GTF3C5: variants seen among roughly 807,000 people sequenced by gnomAD.
GTF3C5 encodes the protein general transcription factor IIIC subunit 5.
In GTF3C5, 47 loss-of-function variants were observed where a neutral mutation model predicts 61.0. The observed-to-expected ratio is 0.77, with a 90% CI of 0.61 to 0.98. The LOEUF is 0.98. GTF3C5 is among the 50% of genes least tolerant of loss of function. The pLI is 0.00. For missense variants in GTF3C5, 659 were observed against 703.3 expected (o/e 0.94, Z 0.71); for synonymous variants, 295 against 275.4 (o/e 1.07, Z -0.71).
At position 133,054,733 on chromosome 9, in the gene GTF3C5, A is replaced by G. The variant is rs1302997790; in HGVS notation, c.1091A>G (p.His364Arg). The change falls in exon 8 of 11, where the codon CAT becomes CGT. Residue 364 changes from histidine to arginine, a missense_variant. Transcript: ENST00000372097. ...KKTSSQLVTM[H>R]DLKQGLGPSG... ...GCAGCCAGCCAGCTTGTCACCATGC[A>G]TGACCTGAAGCAGGGCCTGGGCCCG... The G allele has an allele frequency of 2.5e-6, 4 of 1,578,000 alleles. No individual in the cohort carries two copies. Among genetic ancestry groups the G allele is most frequent in the Non-Finnish European group, 8.6e-7 (1 of 1,161,950 alleles).
In GTF3C5 at chr9:133,050,881, A is replaced by G. The variant is rs1197080224; in HGVS notation, c.671A>G (p.Glu224Gly). ...HNAIFVNFED[E>G]EVPKQPLEAA... is the part of the protein sequence containing the mutation. ...GCCATCTTTGTCAACTTTGAGGATG[A>G]GGAGGTGCCCAAGCAGCCACTGGAG... Residue 224 changes from glutamate to glycine, a missense_variant, in exon 4 of 11, where the codon GAG (glutamate) becomes GGG (glycine). By Grantham distance (98) the Glu-to-Gly change is moderately conservative (BLOSUM62 -2). Coordinates refer to ENST00000372097, the MANE Select transcript of GTF3C5 (RefSeq NM_012087.4). 6.2e-7 allele frequency: 1 copy of G among 1,613,564 alleles called. No individual in the cohort carries two copies. Among genetic ancestry groups the G allele is most frequent in the East Asian group, 2.2e-5 (1 of 44,826 alleles).
At chr9:133,052,203 C>T in intron 5 of GTF3C5, 39 bp downstream of exon 5, 1 of 1,096,626 alleles carries the variant, frequency 9.1e-7, no homozygotes, top group Non-Finnish European at 1.4e-6. Context: ...TTGGTTTCCA[C>T]CCATGTGGTC....
chr9:133,040,874 C>G (rs1219366096), intron 1 of GTF3C5, among the ~76,000 whole-genome samples: 1 of 152,162 alleles, frequency 6.6e-6, no homozygotes, highest in Non-Finnish European at 1.5e-5. Flanking sequence ...TATACTAGAT[C>G]TAGATCATAG....
At chr9:133,037,383 G>T (rs1255562442) in intron 1 of GTF3C5, among the ~76,000 whole-genome samples, 1 of 152,138 alleles carries the variant, frequency 6.6e-6, no homozygotes, top group Non-Finnish European at 1.5e-5. Flanking sequence ...TTGGGATAAG[G>T]GGACACACCG....
At position 133,043,854 on chromosome 9, in the gene GTF3C5, A is replaced by G. The variant is rs1484016429; in HGVS notation, c.500A>G (p.Tyr167Cys). The G allele has an allele frequency of 1.2e-5, 20 of 1,613,910 alleles. No homozygotes were observed. The highest frequency in any genetic ancestry group is 2.2e-5 in the East Asian group (1 of 44,890). Residue 167 changes from tyrosine (Y) to cysteine (C), a missense_variant, in exon 3 of 11, where the codon TAC becomes TGC. Transcript: ENST00000372097. Reference protein sequence around the residue: ...EAFFHQELPLYIPPPIFSRLD... With the variant: ...EAFFHQELPLCIPPPIFSRLD... ...TTTTTCCACCAGGAGCTGCCGCTCT[A>G]CATCCCCCCACCCATCTTCTCCCGG...
chr9:133,033,973 C>G (rs1180771888), intron 1 of GTF3C5, among the ~76,000 whole-genome samples: 2 of 152,008 alleles, frequency 1.3e-5, no homozygotes, highest in African/African-American at 4.8e-5. Flanking sequence ...GACTCTGGGT[C>G]TGGGTTTCTT....
At chr9:133,056,595 G>C (rs2119040066) in intron 9 of GTF3C5, among the ~76,000 whole-genome samples, 171 bp from the exon 10 acceptor site, 1 of 152,252 alleles carries the variant, frequency 6.6e-6, no homozygotes, top group East Asian at 1.9e-4. Context: ...ACAGGTTTAG[G>C]GCCCCAGCTG....
chr9:133,056,559 T>C (rs533580615), intron 9 of GTF3C5, among the ~76,000 whole-genome samples: 2 of 152,328 alleles, frequency 1.3e-5, no homozygotes, highest in Admixed American at 6.5e-5. Flanking sequence ...GCCAGCTTCA[T>C]GTGTGTGAGG....
intron 3 of GTF3C5, among the ~76,000 whole-genome samples, chr9:133,044,973 G>A (rs1850158266): frequency 1.3e-5 from 2 of 150,390 alleles, no homozygotes; most frequent in Admixed American, 1.3e-4. Flanking sequence ...AATGAATTCT[G>A]TAACTCAGAG....
intron 1 of GTF3C5, among the ~76,000 whole-genome samples, chr9:133,036,054 CCTT>C (rs1260506108): frequency 1.3e-5 from 2 of 152,190 alleles, no homozygotes; most frequent in African/African-American, 4.8e-5. Context: ...TCCTGACCCT[CCTT>C]CTGCAAGGGC....
chr9:133,044,665 G>A (rs1588470009), intron 3 of GTF3C5, among the ~76,000 whole-genome samples: 1 of 152,092 alleles, frequency 6.6e-6, no homozygotes, highest in Non-Finnish European at 1.5e-5. Flanking sequence ...GCGGCTGGAG[G>A]TCGCTTCAGA....
chr9:133,054,589 G>A lies in GTF3C5; in HGVS notation c.1069+101G>A. Reference sequence around the variant, plus strand: ...AGGTGGTTCCTGGGGGTCACTCCAGGGCTCTGCCGGTCATTCCTCCCCTAG... The same window carrying A: ...AGGTGGTTCCTGGGGGTCACTCCAGAGCTCTGCCGGTCATTCCTCCCCTAG... On this transcript the variant is annotated intron_variant, in intron 7 of 10. Coordinates refer to ENST00000372097, the MANE Select transcript of GTF3C5 (RefSeq NM_012087.4). 2.1e-6 allele frequency: 3 copies of A among 1,418,336 alleles called. No homozygotes were observed. The South Asian group carries it at 3.7e-5, about 17-fold the overall frequency. 87.9% of individuals were successfully genotyped at this position (1,418,336 alleles called of 1,614,324 possible).
At position 133,042,267 on chromosome 9, in the gene GTF3C5, G is replaced by A. The variant is rs1850061441; in HGVS notation, c.334G>A (p.Glu112Lys). The A allele has an allele frequency of 1.9e-6, 3 of 1,612,426 alleles. No individual in the cohort carries two copies. Among genetic ancestry groups the A allele is most frequent in the Admixed American group, 1.7e-5 (1 of 60,010 alleles). ...CCACTCCGAGGTCACATTTGACATG[G>A]AGATCCTTGGCATCATCTCCACCAT... ...EAHSEVTFDM[E>K]ILGIISTIYK... Residue 112 changes from glutamate (E) to lysine (K), a missense_variant, in exon 2 of 11, where the codon GAG becomes AAG. Coordinates refer to ENST00000372097, the MANE Select transcript of GTF3C5 (RefSeq NM_012087.4).
Position 133,050,790 on chromosome 9 carries a change from TACA to T in GTF3C5, c.585_587del (p.Asn196del), listed in dbSNP as rs777486410. 2.5e-5 allele frequency: 41 copies of T among 1,612,710 alleles called. No homozygotes were observed. Among genetic ancestry groups the T allele is most frequent in the Non-Finnish European group, 3.3e-5 (39 of 1,179,222 alleles). ...TGTACTCTCTGCCCCCAGGGAAGGC[TACA>T]ACAATCCCCCCATCTCAGGTGAGAA... is the stretch of plus-strand genomic sequence containing the variant. On this transcript the variant is annotated inframe_deletion, in exon 4 of 11. Coordinates refer to ENST00000372097, the MANE Select transcript of GTF3C5 (RefSeq NM_012087.4).
chr9:133,042,214 G>A lies in GTF3C5; in HGVS notation c.281G>A (p.Arg94Gln), dbSNP rs753012299. ...LLLRIRKRTR[R>Q]QKGVLGTEAH... Reference sequence around the variant, plus strand: ...CTCCGCATCAGGAAGAGAACGAGGCGGCAGAAAGGGGTGCTGGGCACTGAG... The same window carrying A: ...CTCCGCATCAGGAAGAGAACGAGGCAGCAGAAAGGGGTGCTGGGCACTGAG... The change falls in exon 2 of 11, where the codon CGG becomes CAG. Residue 94 changes from arginine to glutamine, a missense_variant. By Grantham distance (43) the Arg-to-Gln change is conservative (BLOSUM62 1). Coordinates refer to ENST00000372097, the MANE Select transcript of GTF3C5 (RefSeq NM_012087.4). 73 of 1,613,880 alleles carry A rather than the reference G, an allele frequency of 4.5e-5. No homozygotes were observed. In the East Asian group the frequency reaches 9.1e-4, roughly 20 times the overall value.
chr9:133,033,997 C>A (rs1467070256), intron 1 of GTF3C5, among the ~76,000 whole-genome samples: 2 of 152,008 alleles, frequency 1.3e-5, no homozygotes, highest in Non-Finnish European at 2.9e-5. Context: ...TGTTTTTAAC[C>A]GCCGATGGTC....
At chr9:133,037,944 A>C (rs1849914978) in intron 1 of GTF3C5, among the ~76,000 whole-genome samples, 1 of 152,176 alleles carries the variant, frequency 6.6e-6, no homozygotes, top group African/African-American at 2.4e-5. Context: ...CCACCAGAGC[A>C]CACGGAACAA....
chr9:133,039,149 A>C (rs1297419937), intron 1 of GTF3C5, among the ~76,000 whole-genome samples: 2 of 152,172 alleles, frequency 1.3e-5, no homozygotes, highest in Non-Finnish European at 2.9e-5. Flanking sequence ...CATGTACCAG[A>C]ACTTGAAGTG....
chr9:133,041,972 T>G, intron 1 of GTF3C5, 115 bp from the exon 2 acceptor site: 4 of 686,406 alleles, frequency 5.8e-6, no homozygotes, highest in Non-Finnish European at 1.0e-5. Context: ...GAATGAAACA[T>G]GAGCCTCCTG....
Sources: allele counts gnomAD v4.1 joint callset (sites outside exome capture counted in the v4.1 genomes callset), GRCh38; gene constraint gnomAD v4.1.1; transcripts MANE v1.5; gene names NCBI Gene and HGNC (gene_info 2026-07-23, HGNC 2026-07-21).